The following FOCAD variants were observed in gnomAD, a reference collection of about 807,000 sequenced individuals.
FOCAD encodes focadhesin, also known as KIAA1797.
In FOCAD, 198 loss-of-function variants were observed where a neutral mutation model predicts 225.6. The observed-to-expected ratio is 0.88, with a 90% CI of 0.78 to 0.99. FOCAD has a LOEUF of 0.99. Ranked by LOEUF, FOCAD falls within the 50% of genes least tolerant of loss-of-function variation. FOCAD has a pLI of 0.00. For missense variants in FOCAD, 2,713 were observed against 2,123.6 expected (o/e 1.28, Z -5.46); for synonymous variants, 897 against 755.0 (o/e 1.19, Z -3.08).
intron 15 of FOCAD, among the ~76,000 whole-genome samples, chr9:20,841,396 CTT>C (rs139706361): frequency 2.8e-5 from 4 of 144,662 alleles, no homozygotes; most frequent in Non-Finnish European, 6.1e-5. Flanking sequence ...AGTTTCTGGG[CTT>C]TTTTTTTTGA....
At chr9:20,698,187 G>T (rs1044788996) in intron 1 of FOCAD, among the ~76,000 whole-genome samples, 1 of 152,104 alleles carries the variant, frequency 6.6e-6, no homozygotes, top group East Asian at 1.9e-4. Context: ...AATAAGTAAT[G>T]TATGCCCCAT....
chr9:20,743,431 A>G (rs1001800032), intron 5 of FOCAD, among the ~76,000 whole-genome samples: 2 of 152,254 alleles, frequency 1.3e-5, no homozygotes, highest in African/African-American at 2.4e-5. Context: ...ACAGTGCAAC[A>G]GAATACTTGG....
At chr9:20,844,693 T>A (rs900581875) in intron 15 of FOCAD, among the ~76,000 whole-genome samples, 4 of 152,070 alleles carry the variant, frequency 2.6e-5, no homozygotes, top group African/African-American at 4.8e-5. Flanking sequence ...CTTACCTATT[T>A]GCAGTTGTGA....
chr9:20,854,881 G>T (rs1453427024), intron 15 of FOCAD, among the ~76,000 whole-genome samples: 1 of 151,672 alleles, frequency 6.6e-6, no homozygotes, highest in Non-Finnish European at 1.5e-5. Context: ...TTGTAGGCTG[G>T]CAGTTTCCTT....
At chr9:20,936,371 C>G (rs936489753) in intron 28 of FOCAD, among the ~76,000 whole-genome samples, 1 of 152,158 alleles carries the variant, frequency 6.6e-6, no homozygotes, top group Non-Finnish European at 1.5e-5. Flanking sequence ...GTAGTGGTAG[C>G]TGCATGTGTA....
chr9:20,757,858 G>C (rs1043283815), intron 5 of FOCAD, among the ~76,000 whole-genome samples: 1 of 152,154 alleles, frequency 6.6e-6, no homozygotes, highest in African/African-American at 2.4e-5. Context: ...GATCTCTGAG[G>C]CTCCTGTGTC....
chr9:20,757,006 C>T (rs909697866), intron 5 of FOCAD, among the ~76,000 whole-genome samples: 7 of 152,036 alleles, frequency 4.6e-5, no homozygotes, highest in African/African-American at 9.7e-5. Flanking sequence ...ATCAGTTCAC[C>T]GCAACCTCCG....
At chr9:20,813,658 A>G (rs930903760) in intron 11 of FOCAD, among the ~76,000 whole-genome samples, 1 of 152,172 alleles carries the variant, frequency 6.6e-6, no homozygotes, top group African/African-American at 2.4e-5. Context: ...CACGTGGTCC[A>G]TCCTAGAGAA....
chr9:20,981,285 T>C, intron 37 of FOCAD, 141 bp from the exon 38 acceptor site: 1 of 966,328 alleles, frequency 1.0e-6, no homozygotes, highest in Admixed American at 2.3e-5. Context: ...CGTGAAGCTG[T>C]GGGAAAATGA....
At chr9:20,708,021 G>T (rs575162384) in intron 1 of FOCAD, among the ~76,000 whole-genome samples, 24 of 152,250 alleles carry the variant, frequency 1.6e-4, no homozygotes, top group African/African-American at 4.6e-4. Flanking sequence ...ATCCATATTA[G>T]ACAGTACAAC....
intron 11 of FOCAD, among the ~76,000 whole-genome samples, chr9:20,809,801 G>A (rs896995648): frequency 6.6e-6 from 1 of 152,112 alleles, no homozygotes; most frequent in Non-Finnish European, 1.5e-5. Context: ...CACAATCTCA[G>A]TGTAGATTTG....
chr9:20,847,299 C>T (rs1478205437), intron 15 of FOCAD, among the ~76,000 whole-genome samples: 1 of 152,054 alleles, frequency 6.6e-6, no homozygotes, highest in Non-Finnish European at 1.5e-5. Context: ...CTGTTTTGGA[C>T]ATTTTATGTA....
At chr9:20,827,882 G>A (rs1694154292) in intron 15 of FOCAD, among the ~76,000 whole-genome samples, 1 of 152,018 alleles carries the variant, frequency 6.6e-6, no homozygotes, top group Non-Finnish European at 1.5e-5. Context: ...TATTAAATAA[G>A]TAGATTTTGG....
At chr9:20,823,175 G>A (rs1338567751) in intron 15 of FOCAD, 60 bp downstream of exon 15, 10 of 1,513,734 alleles carry the variant, frequency 6.6e-6, no homozygotes, top group African/African-American at 2.8e-5. Context: ...AGGCAGAGTG[G>A]GTACAAGAAT....
intron 40 of FOCAD, among the ~76,000 whole-genome samples, chr9:20,986,914 A>G (rs1173178346): frequency 6.6e-6 from 1 of 152,204 alleles, no homozygotes; most frequent in Non-Finnish European, 1.5e-5. Flanking sequence ...AAATCCTGCC[A>G]CCCTGTCTGC....
Position 20,821,667 on chromosome 9 carries a change from AT to A in FOCAD, c.1793+605del, listed in dbSNP as rs1203701322. ...ACAAGTCAAGCTCTACCATATCCAAATTTTTTTTTCTTGCATGTGGTAAGAT... is the reference window on the plus strand; with the variant it reads ...ACAAGTCAAGCTCTACCATATCCAAATTTTTTTTCTTGCATGTGGTAAGAT... On this transcript the variant is annotated intron_variant, in intron 14 of 43. Coordinates refer to ENST00000338382, the MANE Select transcript of FOCAD (RefSeq NM_001375567.1). Among the ~76,000 whole-genome samples, 10 of 151,712 alleles carry A rather than the reference AT, an allele frequency of 6.6e-5. 1 individual carries two copies. In the East Asian group the frequency reaches 9.7e-4, roughly 15 times the overall value.
At chr9:20,890,394 A>G (rs1278501824) in intron 21 of FOCAD, among the ~76,000 whole-genome samples, 18 of 150,648 alleles carry the variant, frequency 1.2e-4, no homozygotes, top group Admixed American at 1.2e-3. Context: ...TTAATCACAA[A>G]TAGATGTTAA....
intron 15 of FOCAD, among the ~76,000 whole-genome samples, chr9:20,856,810 G>A (rs532992792): frequency 3.9e-5 from 6 of 151,934 alleles, no homozygotes; most frequent in Non-Finnish European, 7.4e-5. Flanking sequence ...TCTGCATATG[G>A]TTATCCAGTT....
intron 15 of FOCAD, among the ~76,000 whole-genome samples, chr9:20,833,252 A>T (rs1460580280): frequency 6.6e-6 from 1 of 151,962 alleles, no homozygotes; most frequent in East Asian, 1.9e-4. Context: ...ATGATTAGTG[A>T]TGTTGAGCAA....
Sources: gnomAD v4.1 joint callset for allele counts (sites outside exome capture counted in the v4.1 genomes callset) on GRCh38, gnomAD v4.1.1 for gene constraint, MANE v1.5 for transcripts, NCBI Gene and HGNC (gene_info 2026-07-23, HGNC 2026-07-21) for gene names.